The following CEP43 variants were observed in gnomAD, a reference collection of about 807,000 sequenced individuals.
CEP43 encodes the protein centrosomal protein 43.
CEP43 carries 36 observed loss-of-function variants against 52.6 expected under a neutral mutation model. The ratio of observed to expected loss-of-function variants is 0.68; its 90% CI spans 0.52 to 0.90. The LOEUF is 0.90. Among genes scored for constraint, CEP43 ranks in the 40% least tolerant of loss-of-function variants. The probability of loss-of-function intolerance (pLI) is 0.00; values close to 1 mark genes in which losing one functional copy is unlikely to be tolerated. For missense variants in CEP43, 506 were observed against 472.8 expected (o/e 1.07, Z -0.65); for synonymous variants, 192 against 172.4 (o/e 1.11, Z -0.89).
chr6:167,026,607 T>C lies in CEP43; in HGVS notation c.980T>C (p.Leu327Pro), dbSNP rs751013217. ...TTGATCAGTGATAAAATTGGATCAC[T>C]TGGATTAGGTAATTAGATTTCTAGT... is the stretch of plus-strand genomic sequence containing the variant. ...LKLISDKIGSLGLGTGEDDDY... is the reference protein window; with the variant it reads ...LKLISDKIGSPGLGTGEDDDY... The change falls in exon 10 of 13, where the codon CTT (leucine) becomes CCT (proline). Residue 327 changes from leucine to proline, a missense_variant. Coordinates refer to ENST00000366847, the MANE Select transcript of CEP43 (RefSeq NM_007045.4). 1 of 1,571,832 alleles carries C rather than the reference T, an allele frequency of 6.4e-7. No individual in the cohort carries two copies. The highest frequency in any genetic ancestry group is 8.8e-7 in the Non-Finnish European group (1 of 1,141,566).
intron 7 of CEP43, among the ~76,000 whole-genome samples, chr6:167,019,992 T>C (rs932239091): frequency 6.6e-6 from 1 of 152,268 alleles, no homozygotes; most frequent in African/African-American, 2.4e-5. Context: ...GCTGTGTCAT[T>C]GTACATATGT....
At chr6:167,000,331 C>T (rs1779705815) in intron 2 of CEP43, among the ~76,000 whole-genome samples, 1 of 152,170 alleles carries the variant, frequency 6.6e-6, no homozygotes, top group Non-Finnish European at 1.5e-5. Flanking sequence ...AACTCTGATA[C>T]TAATGCTTAA....
At chr6:167,023,638 G>T (rs6938521) in intron 8 of CEP43, among the ~76,000 whole-genome samples, 8,196 of 152,284 alleles carry the variant, frequency 0.054, 667 homozygotes, top group African/African-American at 0.17. Flanking sequence ...ATAATGTGGG[G>T]TGTGGGAGAC....
Position 167,040,383 on chromosome 6 carries a change from C to G in CEP43, c.*405C>G. The G allele has an allele frequency of 1.5e-6, 2 of 1,358,472 alleles. No homozygotes were observed. The highest frequency in any genetic ancestry group is 1.9e-6 in the Non-Finnish European group (2 of 1,057,336). The allele number at this position is 1,358,472 out of a possible 1,614,324, so 84.2% of individuals were successfully genotyped here. ...AACCTTGGCTTTAGCCCTCTGGAAT[C>G]AGAGCTTACCCACCATAGTATATTT... On this transcript the variant is annotated 3_prime_UTR_variant, in exon 13 of 13. Coordinates refer to ENST00000366847, the MANE Select transcript of CEP43 (RefSeq NM_007045.4).
chr6:167,041,024 AC>A lies in CEP43; in HGVS notation c.*1047del, dbSNP rs919679571. The A allele has an allele frequency of 1.7e-5, 17 of 996,094 alleles. No individual in the cohort carries two copies. The African/African-American group carries it at 3.0e-4, about 18-fold the overall frequency. 61.7% of individuals were successfully genotyped at this position (996,094 alleles called of 1,614,324 possible). On this transcript the variant is annotated 3_prime_UTR_variant, in exon 13 of 13. Coordinates refer to ENST00000366847, the MANE Select transcript of CEP43 (RefSeq NM_007045.4). Reference sequence around the variant, plus strand: ...ATTTTAAAATGTGCAAGTAGAAAAAACAGTAGAAAGTGATGCATGCATATTT... The same window carrying A: ...ATTTTAAAATGTGCAAGTAGAAAAAAAGTAGAAAGTGATGCATGCATATTT...
chr6:167,013,469 C>G (rs765012563), intron 6 of CEP43, 39 bp from the exon 7 acceptor site: 3 of 1,528,874 alleles, frequency 2.0e-6, no homozygotes, highest in Non-Finnish European at 2.7e-6. Flanking sequence ...TTAAAGATTT[C>G]TATTTTGTGG....
chr6:167,043,450 G>A lies in CEP43; in HGVS notation c.*3472G>A, dbSNP rs1780743159. The A allele has an allele frequency of 6.8e-6, 1 of 147,314 alleles. No homozygotes were observed. Among genetic ancestry groups the A allele is most frequent in the Non-Finnish European group, 1.5e-5 (1 of 67,498 alleles). 9.1% of individuals were successfully genotyped at this position (147,314 alleles called of 1,614,324 possible). ...GGCTGGAGTGCCATGGGGCGACCTC[G>A]GCTCACTGCAACCCCTGCCTTCTGG... On this transcript the variant is annotated 3_prime_UTR_variant, in exon 13 of 13. Coordinates refer to ENST00000366847, the MANE Select transcript of CEP43 (RefSeq NM_007045.4).
intron 10 of CEP43, 71 bp from the exon 11 acceptor site, chr6:167,032,532 A>C: frequency 7.3e-7 from 1 of 1,378,130 alleles, no homozygotes; most frequent in Non-Finnish European, 9.8e-7. Flanking sequence ...TTTTTTAAGG[A>C]AATGTGTGTT....
At chr6:167,023,513 T>C (rs899781729) in intron 8 of CEP43, among the ~76,000 whole-genome samples, 2 of 152,178 alleles carry the variant, frequency 1.3e-5, no homozygotes, top group African/African-American at 4.8e-5. Context: ...CCTGTTGCTG[T>C]GCTAAGTTAG....
chr6:167,001,025 C>G (rs2128656370), intron 2 of CEP43, among the ~76,000 whole-genome samples: 3 of 152,368 alleles, frequency 2.0e-5, no homozygotes, highest in Middle Eastern at 3.4e-3. Flanking sequence ...CTTCTTCACC[C>G]TAGCTGTGCA....
rs533674968 is a variant in CEP43 at position 167,041,072 on chromosome 6, G to A, written c.*1094G>A. On this transcript the variant is annotated 3_prime_UTR_variant, in exon 13 of 13. Coordinates refer to ENST00000366847, the MANE Select transcript of CEP43 (RefSeq NM_007045.4). ...ATTTATATATAAGTAAAGCAGGATTGTGCTGTTTTTGCACTTTATAATTTC... is the reference window on the plus strand; with the variant it reads ...ATTTATATATAAGTAAAGCAGGATTATGCTGTTTTTGCACTTTATAATTTC... 2 of 1,036,200 alleles carry A rather than the reference G, an allele frequency of 1.9e-6. No homozygotes were observed. The highest frequency in any genetic ancestry group is 1.7e-5 in the African/African-American group (1 of 59,576). The allele number at this position is 1,036,200 out of a possible 1,614,324, so 64.2% of individuals were successfully genotyped here.
intron 5 of CEP43, among the ~76,000 whole-genome samples, chr6:167,006,515 AAAAG>A (rs1487302717): frequency 1.1e-4 from 16 of 152,232 alleles, no homozygotes; most frequent in African/African-American, 3.9e-4. Context: ...CATCTCAAAA[AAAAG>A]AAAAAAAGAA....
chr6:167,004,216 T>C (rs1463744450), intron 4 of CEP43, 48 bp from the exon 5 acceptor site: 1 of 1,562,954 alleles, frequency 6.4e-7, no homozygotes, highest in Admixed American at 2.0e-5. Flanking sequence ...TCCTTGAGAA[T>C]AACTTCTGCT....
At chr6:167,008,238 A>C (rs1310654819) in intron 5 of CEP43, among the ~76,000 whole-genome samples, 1 of 149,970 alleles carries the variant, frequency 6.7e-6, no homozygotes, top group Non-Finnish European at 1.5e-5. Context: ...TCTATCCTCC[A>C]CTTGGAATTA....
chr6:167,017,564 A>G (rs767667575), intron 7 of CEP43, among the ~76,000 whole-genome samples: 2 of 151,174 alleles, frequency 1.3e-5, no homozygotes, highest in Non-Finnish European at 2.9e-5. Context: ...TTTTTCCTAC[A>G]TGAACAGTTT....
intron 7 of CEP43, among the ~76,000 whole-genome samples, chr6:167,021,234 C>T (rs954852802): frequency 2.6e-5 from 4 of 152,134 alleles, no homozygotes; most frequent in African/African-American, 9.7e-5. Context: ...CATTTTTAAC[C>T]CATAAAGCCC....
chr6:167,051,233 G>A lies in CEP43; in HGVS notation c.*11255G>A, dbSNP rs549249354. ...AGTAATTGGGAAAGTTGCAAATCTT[G>A]TGACCTCTGTAGAAAATAGGTGGTA... On this transcript the variant is annotated 3_prime_UTR_variant, in exon 13 of 13. Transcript: ENST00000366847. The A allele has an allele frequency of 6.6e-6, 1 of 152,208 alleles. No homozygotes were observed. Among genetic ancestry groups the A allele is most frequent in the Non-Finnish European group, 1.5e-5 (1 of 68,034 alleles). The allele number at this position is 152,208 out of a possible 1,614,324, so 9.4% of individuals were successfully genotyped here.
intron 9 of CEP43, 120 bp downstream of exon 9, chr6:167,025,014 A>G (rs1377255095): frequency 1.6e-5 from 10 of 628,002 alleles, no homozygotes; most frequent in Non-Finnish European, 2.6e-5. Context: ...TCATTTTATC[A>G]CTCAGAGATA....
chr6:167,021,976 A>G (rs1780242888), intron 7 of CEP43, among the ~76,000 whole-genome samples: 2 of 152,162 alleles, frequency 1.3e-5, no homozygotes, highest in South Asian at 4.1e-4. Flanking sequence ...TTTAATAATA[A>G]TGATCTCTCC....
Sources: allele counts gnomAD v4.1 joint callset (sites outside exome capture counted in the v4.1 genomes callset), GRCh38; gene constraint gnomAD v4.1.1; transcripts MANE v1.5; gene names NCBI Gene and HGNC (gene_info 2026-07-23, HGNC 2026-07-21).